Variants in ATM observed in about 807,000 individuals in gnomAD.
The protein encoded by ATM is ATM serine/threonine kinase, also known as serine-protein kinase ATM.
Under a neutral mutation model 387.0 loss-of-function variants are expected in ATM, and 308 were observed. The observed-to-expected ratio is 0.80, with a 90% confidence interval of 0.73 to 0.87. The LOEUF is 0.87. ATM is among the 40% of genes least tolerant of loss of function. The probability of loss-of-function intolerance (pLI) is 0.00; values close to 1 mark genes in which losing one functional copy is unlikely to be tolerated. For missense variants in ATM, 3,312 were observed against 3,560.9 expected (o/e 0.93, Z 1.78); for synonymous variants, 1,156 against 1,187.3 (o/e 0.97, Z 0.54).
At position 108,367,400 on chromosome 11, in the gene ATM, G is replaced by A; in HGVS notation, c.*1892G>A. On this transcript the variant is annotated 3_prime_UTR_variant, in exon 63 of 63. Transcript: ENST00000675843. ...GCATTTCTCTGTGTTCTGTTGGAAG[G>A]GAAGGGCTTAGGTATCTAGTTTGAT... The A allele has an allele frequency of 5.1e-6, 1 of 197,134 alleles. No homozygotes were observed. The highest frequency in any genetic ancestry group is 7.9e-5 in the East Asian group (1 of 12,610). The allele number at this position is 197,134 out of a possible 1,614,324, so 12.2% of individuals were successfully genotyped here.
chr11:108,237,340 A>G (rs1312871743), intron 5 of ATM, among the ~76,000 whole-genome samples: 2 of 152,122 alleles, frequency 1.3e-5, no homozygotes, highest in African/African-American at 4.8e-5. Context: ...GTCATTTTAC[A>G]TTATCACTTA....
chr11:108,293,514 A>C (rs1174374608), intron 31 of ATM, 37 bp downstream of exon 31: 7 of 1,523,034 alleles, frequency 4.6e-6, no homozygotes, highest in Non-Finnish European at 6.4e-6. Context: ...TTTTTATTAG[A>C]GAACATAGTA....
intron 5 of ATM, among the ~76,000 whole-genome samples, chr11:108,243,448 A>G (rs2079666621): frequency 6.6e-6 from 1 of 152,114 alleles, no homozygotes; most frequent in African/African-American, 2.4e-5. Context: ...CCCCATCTTT[A>G]CTAACAGTAC....
At chr11:108,336,879 A>G (rs2086914014) in intron 56 of ATM, among the ~76,000 whole-genome samples, 1 of 148,406 alleles carries the variant, frequency 6.7e-6, no homozygotes, top group South Asian at 2.1e-4. Flanking sequence ...AGAAATAACA[A>G]TAAATCCTTA....
At chr11:108,254,154 A>G in intron 13 of ATM, 115 bp downstream of exon 13, 1 of 973,340 alleles carries the variant, frequency 1.0e-6, no homozygotes, top group Non-Finnish European at 1.5e-6. Context: ...CTTCATTTTA[A>G]AAGCAAAGTG....
intron 4 of ATM, among the ~76,000 whole-genome samples, chr11:108,232,527 CTTTTTTTTTTTTTTTTTT>C (rs71047685): frequency 3.4e-5 from 2 of 58,178 alleles, no homozygotes; most frequent in Non-Finnish European, 3.1e-5. Context: ...GATTTCTCTC[CTTTTTTTTTTTTTTTTTT>C]TTTTTTTTTT....
intron 22 of ATM, among the ~76,000 whole-genome samples, chr11:108,276,729 T>C (rs1393248959): frequency 6.6e-6 from 1 of 152,160 alleles, no homozygotes; most frequent in African/African-American, 2.4e-5. Context: ...TGTTCCTTCC[T>C]CTGGGAAGGT....
intron 1 of ATM, chr11:108,225,516 C>T (rs929434407): frequency 5.3e-5 from 8 of 152,174 alleles, no homozygotes; most frequent in African/African-American, 1.4e-4. Context: ...CTCTGTCGCC[C>T]ATGCTGGAGT....
intron 49 of ATM, among the ~76,000 whole-genome samples, 160 bp from the exon 50 acceptor site, chr11:108,330,054 G>C (rs964918223): frequency 2.6e-5 from 4 of 152,202 alleles, no homozygotes; most frequent in Admixed American, 6.5e-5. Flanking sequence ...GCACAGTTAA[G>C]ACAAAAGTAA....
At chr11:108,315,160 G>C (rs180987555) in intron 40 of ATM, among the ~76,000 whole-genome samples, 1 of 152,318 alleles carries the variant, frequency 6.6e-6, no homozygotes, top group African/African-American at 2.4e-5. Context: ...AACTGCTCAT[G>C]TGGAAATTAT....
Position 108,293,390 on chromosome 11 carries a change from TC to T in ATM, c.4691del (p.Pro1564LeufsTer37). On this transcript the variant is annotated frameshift_variant, in exon 31 of 63. Transcript: ENST00000675843. LOFTEE classifies it high-confidence loss of function. ...NLYITIKLLD[P>X]FPDHVVFKDL... ...TCTATATCACGATTAAGCTTTTAGA[TC>T]CTTTTCCTGACCATGTTGTTTTTAA... The T allele has an allele frequency of 6.2e-7, 1 of 1,608,296 alleles. No homozygotes were observed. Among genetic ancestry groups the T allele is most frequent in the Non-Finnish European group, 8.5e-7 (1 of 1,175,006 alleles).
At chr11:108,231,352 T>C (rs1310032192) in intron 4 of ATM, 1 of 152,200 alleles carries the variant, frequency 6.6e-6, no homozygotes, top group Non-Finnish European at 1.5e-5. Context: ...CAGGGACTCC[T>C]GGGCTCTTCA....
Position 108,268,575 on chromosome 11 carries a change from C to G in ATM, c.2804C>G (p.Thr935Arg), listed in dbSNP as rs3218708. The G allele has an allele frequency of 7.4e-5, 119 of 1,613,982 alleles. No homozygotes were observed. The East Asian group carries it at 2.6e-3, about 36-fold the overall frequency. ...RKLLMLIDSSTLEPTKSLHLH... is the reference protein window; with the variant it reads ...RKLLMLIDSSRLEPTKSLHLH... ...TTGTTAATGTTAATTGATTCTAGCA[C>G]GCTAGAACCTACCAAATCCCTCCAC... is the stretch of plus-strand genomic sequence containing the variant. The change falls in exon 18 of 63, where the codon ACG (threonine) becomes AGG (arginine). Residue 935 changes from threonine (T) to arginine (R), a missense_variant. By Grantham distance (71) the Thr-to-Arg change is moderately conservative. Around this residue, in one of 4 missense-constraint regions of ATM, gnomAD observed 1,791 missense variants for 1,804.5 expected, o/e 0.99. Transcript: ENST00000675843.
intron 1 of ATM, chr11:108,223,814 C>G (rs1237406700): frequency 6.6e-6 from 1 of 152,196 alleles, no homozygotes; most frequent in Non-Finnish European, 1.5e-5. Context: ...GTGGTGAGAC[C>G]TCGCAGTGTT....
At chr11:108,276,446 G>T (rs1222640497) in intron 22 of ATM, among the ~76,000 whole-genome samples, 2 of 152,164 alleles carry the variant, frequency 1.3e-5, no homozygotes, top group Non-Finnish European at 2.9e-5. Flanking sequence ...AGGCATTCTG[G>T]TTTTTGGAAT....
At chr11:108,233,066 T>C (rs1460620965) in intron 4 of ATM, among the ~76,000 whole-genome samples, 2 of 152,144 alleles carry the variant, frequency 1.3e-5, no homozygotes, top group South Asian at 2.1e-4. Context: ...TTCACCACAT[T>C]GGTCAGGCTT....
At chr11:108,253,505 A>G (rs1181682607) in intron 12 of ATM, among the ~76,000 whole-genome samples, 3 of 152,234 alleles carry the variant, frequency 2.0e-5, no homozygotes, top group South Asian at 4.1e-4. Flanking sequence ...ATGTTTGCAG[A>G]CAATGTTATG....
intron 33 of ATM, among the ~76,000 whole-genome samples, chr11:108,298,755 A>G (rs1225537251): frequency 1.3e-5 from 2 of 152,232 alleles, no homozygotes; most frequent in Non-Finnish European, 2.9e-5. Context: ...AACTATCTGT[A>G]TTTACAGACG....
At chr11:108,337,685 C>G (rs2087002832) in intron 56 of ATM, among the ~76,000 whole-genome samples, 1 of 152,214 alleles carries the variant, frequency 6.6e-6, no homozygotes, top group African/African-American at 2.4e-5. Context: ...GATCTATTAG[C>G]TATCTCCTAT....
Sources: gnomAD v4.1 joint callset for allele counts (sites outside exome capture counted in the v4.1 genomes callset) on GRCh38, gnomAD v4.1.1 for gene constraint, gnomAD v4.1.1 regional missense constraint, MANE v1.5 for transcripts, NCBI Gene and HGNC (gene_info 2026-07-23, HGNC 2026-07-21) for gene names.